ADAMTSL1: variants seen among roughly 807,000 people sequenced by gnomAD.
ADAMTSL1 encodes ADAMTS like 1, also known as ADAMTS-like protein 1.
In ADAMTSL1, 126 loss-of-function variants were observed where a neutral mutation model predicts 201.8. The observed-to-expected ratio is 0.62, with a 90% confidence interval of 0.54 to 0.72. The LOEUF (loss-of-function observed/expected upper bound fraction) is 0.72. ADAMTSL1 is among the 30% of genes least tolerant of loss of function. The pLI is 0.00. For synonymous variants in ADAMTSL1, 1,121 were observed against 903.4 expected (o/e 1.24, Z -4.32); for missense variants, 2,679 against 2,277.8 (o/e 1.18, Z -3.59).
At chr9:18,201,566 A>T (rs926458762) in intron 2 of ADAMTSL1, among the ~76,000 whole-genome samples, 29 of 152,060 alleles carry the variant, frequency 1.9e-4, no homozygotes, top group African/African-American at 7.0e-4. Flanking sequence ...CCTTAGAAGG[A>T]GCAATGGGTT....
At chr9:18,643,690 TA>T (rs1425646621) in intron 7 of ADAMTSL1, among the ~76,000 whole-genome samples, 1 of 152,008 alleles carries the variant, frequency 6.6e-6, no homozygotes, top group Non-Finnish European at 1.5e-5. Context: ...CAATTGGCCT[TA>T]AATTTCTGAA....
intron 1 of ADAMTSL1, among the ~76,000 whole-genome samples, chr9:18,150,182 G>A (rs546956166): frequency 2.6e-4 from 39 of 152,140 alleles, no homozygotes; most frequent in Non-Finnish European, 5.6e-4. Flanking sequence ...CCACGGTTAT[G>A]AAAAAGATTT....
At chr9:18,823,476 C>T (rs151296752) in intron 21 of ADAMTSL1, among the ~76,000 whole-genome samples, 2 of 152,292 alleles carry the variant, frequency 1.3e-5, no homozygotes, top group Non-Finnish European at 2.9e-5. Flanking sequence ...CAAGCCATTC[C>T]TGGGGGAGTG....
chr9:18,790,011 A>T (rs1316340008), intron 19 of ADAMTSL1, among the ~76,000 whole-genome samples: 1 of 152,194 alleles, frequency 6.6e-6, no homozygotes, highest in Non-Finnish European at 1.5e-5. Context: ...CAGGTAGTAG[A>T]TGGGCATTTC....
intron 2 of ADAMTSL1, among the ~76,000 whole-genome samples, chr9:18,285,026 G>C (rs549865690): frequency 6.6e-6 from 1 of 151,962 alleles, no homozygotes; most frequent in East Asian, 1.9e-4. Context: ...TGTATCTTTG[G>C]ACACATCTCA....
chr9:18,281,086 C>T (rs12000293), intron 2 of ADAMTSL1, among the ~76,000 whole-genome samples: 3,969 of 151,940 alleles, frequency 0.026, 135 homozygotes, highest in African/African-American at 0.075. Flanking sequence ...GTGTGGGAGA[C>T]GCATGAAGGG....
chr9:18,280,085 G>A (rs199809154), intron 2 of ADAMTSL1, among the ~76,000 whole-genome samples: 85 of 152,108 alleles, frequency 5.6e-4, no homozygotes, highest in Non-Finnish European at 4.0e-4. Context: ...TTTTTGAAGC[G>A]TGAGGGTATT....
chr9:18,461,669 C>G (rs1010617869), intron 2 of ADAMTSL1, among the ~76,000 whole-genome samples: 1 of 152,110 alleles, frequency 6.6e-6, no homozygotes, highest in Admixed American at 6.6e-5. Flanking sequence ...CTTGCCCTAA[C>G]CTGTCCAGCG....
intron 19 of ADAMTSL1, among the ~76,000 whole-genome samples, chr9:18,791,232 C>T (rs1240735998): frequency 1.3e-5 from 2 of 152,194 alleles, no homozygotes; most frequent in Non-Finnish European, 2.9e-5. Flanking sequence ...GGCGGTGCTT[C>T]CCAGAGAGCC....
At chr9:18,238,398 C>T (rs1196843345) in intron 2 of ADAMTSL1, among the ~76,000 whole-genome samples, 1 of 152,102 alleles carries the variant, frequency 6.6e-6, no homozygotes, top group African/African-American at 2.4e-5. Context: ...CGAATCACAT[C>T]CCTTTGTGCA....
intron 8 of ADAMTSL1, among the ~76,000 whole-genome samples, chr9:18,659,492 C>T (rs1454641459): frequency 2.0e-5 from 3 of 152,218 alleles, no homozygotes; most frequent in Non-Finnish European, 4.4e-5. Context: ...TGGCCAGGTG[C>T]AGTGGCTCAC....
chr9:18,825,957 C>A (rs1224351849), intron 21 of ADAMTSL1, among the ~76,000 whole-genome samples: 2 of 152,172 alleles, frequency 1.3e-5, no homozygotes, highest in Admixed American at 6.5e-5. Context: ...TTGGCAAGCC[C>A]CCCCTGCCAG....
intron 2 of ADAMTSL1, among the ~76,000 whole-genome samples, chr9:18,409,967 A>G (rs1416386520): frequency 1.3e-5 from 2 of 151,612 alleles, no homozygotes; most frequent in Non-Finnish European, 2.9e-5. Flanking sequence ...GTTATAATAC[A>G]GTCCCAATTA....
intron 2 of ADAMTSL1, among the ~76,000 whole-genome samples, chr9:18,348,620 A>C (rs1563903627): frequency 6.6e-6 from 1 of 152,208 alleles, no homozygotes; most frequent in South Asian, 2.1e-4. Flanking sequence ...ATCTGGAAGT[A>C]GTATCAGGAC....
intron 4 of ADAMTSL1, among the ~76,000 whole-genome samples, chr9:18,599,348 C>T (rs1441006678): frequency 6.6e-6 from 1 of 152,146 alleles, no homozygotes; most frequent in Non-Finnish European, 1.5e-5. Context: ...CTGTCTTTTC[C>T]TTTCTGAAGG....
chr9:18,752,825 C>T (rs1819540527), intron 15 of ADAMTSL1, among the ~76,000 whole-genome samples: 1 of 152,202 alleles, frequency 6.6e-6, no homozygotes, highest in East Asian at 1.9e-4. Context: ...TTAAAGGAAG[C>T]TGGAGCCAAT....
At chr9:18,622,405 T>C in intron 5 of ADAMTSL1, 36 bp downstream of exon 5, 5 of 1,613,864 alleles carry the variant, frequency 3.1e-6, no homozygotes, top group Non-Finnish European at 4.2e-6. Flanking sequence ...TTTGGACTTG[T>C]TGACTTATCC....
intron 3 of ADAMTSL1, among the ~76,000 whole-genome samples, chr9:18,552,112 A>G (rs1269357316): frequency 6.6e-6 from 1 of 151,766 alleles, no homozygotes; most frequent in Non-Finnish European, 1.5e-5. Flanking sequence ...CTTCATTGAT[A>G]TTTATATTAT....
intron 1 of ADAMTSL1, among the ~76,000 whole-genome samples, chr9:17,967,296 T>G (rs1329503686): frequency 6.6e-6 from 1 of 152,104 alleles, no homozygotes; most frequent in African/African-American, 2.4e-5. Context: ...TTATAGTAAT[T>G]TGTACTCCTG....
Sources: gnomAD v4.1 joint callset for allele counts (sites outside exome capture counted in the v4.1 genomes callset) on GRCh38, gnomAD v4.1.1 for gene constraint, MANE v1.5 for transcripts, NCBI Gene and HGNC (gene_info 2026-07-23, HGNC 2026-07-21) for gene names.